The following DYM variants were observed in gnomAD, a reference collection of about 807,000 sequenced individuals.
The protein encoded by DYM is dymeclin, also known as dyggve-Melchior-Clausen syndrome protein.
DYM carries 78 observed loss-of-function variants against 93.1 expected under a neutral mutation model. The observed-to-expected ratio is 0.84, with a 90% CI of 0.70 to 1.01. DYM has a LOEUF of 1.01. DYM is among the 50% of genes least tolerant of loss of function. The pLI is 0.00. For synonymous variants in DYM, 321 were observed against 319.7 expected, an observed-to-expected ratio of 1.00 and a Z score of -0.04; for missense variants, 789 against 845.0, an observed-to-expected ratio of 0.93 and a Z score of 0.82.
chr18:49,388,260 G>A (rs1193944372), intron 3 of DYM, among the ~76,000 whole-genome samples: 1 of 152,124 alleles, frequency 6.6e-6, no homozygotes, highest in Non-Finnish European at 1.5e-5. Context: ...AGCCCAGGAA[G>A]CTGAGGTTGC....
chr18:49,045,809 G>T (rs1000910581), intron 17 of DYM, among the ~76,000 whole-genome samples: 5 of 152,144 alleles, frequency 3.3e-5, no homozygotes, highest in African/African-American at 1.2e-4. Flanking sequence ...AGGGGGTGGG[G>T]GAAGAGCACA....
At chr18:49,341,669 T>C (rs1271609452) in intron 6 of DYM, among the ~76,000 whole-genome samples, 2 of 152,130 alleles carry the variant, frequency 1.3e-5, no homozygotes, top group South Asian at 2.1e-4. Flanking sequence ...CTTCTCTCTA[T>C]ATTTATATGC....
intron 17 of DYM, among the ~76,000 whole-genome samples, chr18:49,077,987 T>C (rs1464294940): frequency 6.6e-6 from 1 of 151,640 alleles, no homozygotes; most frequent in Non-Finnish European, 1.5e-5. Flanking sequence ...TATCATATTT[T>C]GCTTTCTACT....
intron 17 of DYM, among the ~76,000 whole-genome samples, chr18:49,079,182 T>C (rs956767209): frequency 1.3e-5 from 2 of 152,344 alleles, no homozygotes; most frequent in Non-Finnish European, 2.9e-5. Flanking sequence ...GGAATGTTCA[T>C]GCATTAAAAA....
intron 16 of DYM, among the ~76,000 whole-genome samples, chr18:49,115,328 G>T (rs1258056096): frequency 6.6e-6 from 1 of 152,142 alleles, no homozygotes; most frequent in African/African-American, 2.4e-5. Context: ...AAAAATCTCT[G>T]GTTTAGTCTT....
At chr18:49,361,751 C>G (rs985912863) in intron 6 of DYM, among the ~76,000 whole-genome samples, 10 of 152,036 alleles carry the variant, frequency 6.6e-5, no homozygotes, top group African/African-American at 2.2e-4. Flanking sequence ...GACGTAGTCT[C>G]GCTCTGTAGC....
intron 14 of DYM, among the ~76,000 whole-genome samples, chr18:49,172,089 T>A (rs1300975441): frequency 6.6e-6 from 1 of 152,184 alleles, no homozygotes; most frequent in Non-Finnish European, 1.5e-5. Flanking sequence ...GTCACTGTAG[T>A]TGCCTTTTCT....
intron 2 of DYM, among the ~76,000 whole-genome samples, chr18:49,401,178 A>G (rs1188733796): frequency 1.3e-5 from 2 of 152,186 alleles, no homozygotes; most frequent in East Asian, 3.8e-4. Context: ...CAATTTGAAA[A>G]CTGTCAATAG....
intron 8 of DYM, among the ~76,000 whole-genome samples, chr18:49,296,325 C>G (rs2060549202): frequency 6.6e-6 from 1 of 152,220 alleles, no homozygotes; most frequent in African/African-American, 2.4e-5. Flanking sequence ...CCTGACCAAT[C>G]TATACTTTAC....
intron 8 of DYM, among the ~76,000 whole-genome samples, chr18:49,298,090 T>C (rs1240807846): frequency 6.6e-6 from 1 of 152,194 alleles, no homozygotes; most frequent in Non-Finnish European, 1.5e-5. Flanking sequence ...ATCTGGTGAC[T>C]GCTAGTTCCT....
intron 17 of DYM, among the ~76,000 whole-genome samples, chr18:49,053,257 G>A (rs1485636201): frequency 6.6e-6 from 1 of 152,154 alleles, no homozygotes; most frequent in Non-Finnish European, 1.5e-5. Context: ...CATCTCTGCT[G>A]TCAGTCATGT....
intron 14 of DYM, among the ~76,000 whole-genome samples, chr18:49,173,068 A>C (rs931084124): frequency 1.3e-5 from 2 of 151,768 alleles, no homozygotes; most frequent in Non-Finnish European, 2.9e-5. Flanking sequence ...CCATTTGTTG[A>C]AAAGATTATC....
At chr18:49,108,583 T>C (rs917487792) in intron 16 of DYM, among the ~76,000 whole-genome samples, 2 of 152,270 alleles carry the variant, frequency 1.3e-5, no homozygotes, top group African/African-American at 2.4e-5. Flanking sequence ...TTAATTTCAC[T>C]GTGGTCAAAG....
intron 16 of DYM, among the ~76,000 whole-genome samples, chr18:49,103,167 T>G (rs2080374290): frequency 6.6e-6 from 1 of 152,218 alleles, no homozygotes; most frequent in East Asian, 1.9e-4. Flanking sequence ...TGATGGCCAG[T>G]GATGATGAGC....
At position 49,085,606 on chromosome 18, in the gene DYM, C is replaced by CTTTTTTTTTTT. The variant is rs11437833; in HGVS notation, c.2025+11785_2025+11795dup. Among the ~76,000 whole-genome samples the CTTTTTTTTTTT allele has an allele frequency of 2.2e-3, 221 of 102,140 alleles. 8 individuals are homozygous for CTTTTTTTTTTT. The highest frequency in any genetic ancestry group is 8.8e-3 in the Middle Eastern group (1 of 114). The allele number at this position is 102,140 out of a possible 152,430, so 67.0% of individuals were successfully genotyped here. ...GGCAGATGAATAAGGACAACTGGTC[C>CTTTTTTTTTTT]TTTTTTTTTTTTTTTTTTTTTGATG... On this transcript the variant is annotated intron_variant, in intron 17 of 17. Coordinates refer to ENST00000675505, the MANE Select transcript of DYM (RefSeq NM_001353214.3).
intron 6 of DYM, among the ~76,000 whole-genome samples, chr18:49,360,632 GA>G (rs887212061): frequency 1.0e-4 from 15 of 149,890 alleles, no homozygotes; most frequent in Non-Finnish European, 1.6e-4. Flanking sequence ...AAAAAAAAAA[GA>G]AAAAAAATTG....
chr18:49,433,280 G>C (rs1021361320), intron 1 of DYM, among the ~76,000 whole-genome samples: 2 of 152,158 alleles, frequency 1.3e-5, no homozygotes, highest in Non-Finnish European at 2.9e-5. Context: ...TAGTTATATG[G>C]AGAATAAAGT....
chr18:49,059,817 C>A (rs1371456638), intron 17 of DYM, among the ~76,000 whole-genome samples: 1 of 152,162 alleles, frequency 6.6e-6, no homozygotes, highest in East Asian at 1.9e-4. Flanking sequence ...AGCTACAAGC[C>A]ATTAACTCAT....
intron 6 of DYM, among the ~76,000 whole-genome samples, chr18:49,350,726 G>GA (rs72289769): frequency 0.19 from 22,977 of 119,906 alleles, 1,717 homozygotes; most frequent in African/African-American, 0.26. Flanking sequence ...GAAAAAAAAA[G>GA]AAAAAAAAAA....
Sources: gnomAD v4.1 joint callset for allele counts (sites outside exome capture counted in the v4.1 genomes callset) on GRCh38, gnomAD v4.1.1 for gene constraint, MANE v1.5 for transcripts, NCBI Gene and HGNC (gene_info 2026-07-23, HGNC 2026-07-21) for gene names.